The following DLGAP1 variants were observed in gnomAD, a reference collection of about 807,000 sequenced individuals.
The protein encoded by DLGAP1 is disks large-associated protein 1.
A neutral mutation model predicts 90.8 loss-of-function variants in DLGAP1; 11 were observed. The observed-to-expected ratio is 0.12, with a 90% confidence interval of 0.08 to 0.20. DLGAP1 has a LOEUF of 0.20. Among genes scored for constraint, DLGAP1 ranks in the 10% least tolerant of loss-of-function variants. The pLI, the probability that DLGAP1 is intolerant of heterozygous loss-of-function variation, is 1.00. For missense variants in DLGAP1, 1,050 were observed against 1,333.8 expected, an observed-to-expected ratio of 0.79 and a Z score of 3.31; for synonymous variants, 558 against 540.7, an observed-to-expected ratio of 1.03 and a Z score of -0.44.
chr18:3,626,574 G>T (rs1234103333), intron 7 of DLGAP1, among the ~76,000 whole-genome samples: 1 of 142,924 alleles, frequency 7.0e-6, no homozygotes, highest in East Asian at 2.1e-4. Flanking sequence ...ACCCTGCTGG[G>T]TGACAGAGCA....
intron 2 of DLGAP1, among the ~76,000 whole-genome samples, chr18:4,034,430 A>T (rs1385542061): frequency 6.6e-6 from 1 of 152,330 alleles, no homozygotes; most frequent in Non-Finnish European, 1.5e-5. Context: ...CATAAAAATC[A>T]TTAAAAACCC....
chr18:3,917,601 A>G (rs895427789), intron 3 of DLGAP1, among the ~76,000 whole-genome samples: 4 of 152,248 alleles, frequency 2.6e-5, no homozygotes, highest in African/African-American at 7.2e-5. Flanking sequence ...CTAGGCATGT[A>G]CTGAGTAAAC....
chr18:3,885,805 C>T (rs1372181762), intron 3 of DLGAP1, among the ~76,000 whole-genome samples: 1 of 152,198 alleles, frequency 6.6e-6, no homozygotes, highest in African/African-American at 2.4e-5. Flanking sequence ...ATGAGACAAG[C>T]TCAGAGTGTG....
intron 7 of DLGAP1, among the ~76,000 whole-genome samples, chr18:3,679,049 C>T (rs539395614): frequency 2.6e-5 from 4 of 152,102 alleles, no homozygotes; most frequent in Non-Finnish European, 5.9e-5. Flanking sequence ...CCAGGCTGAG[C>T]TCACACTCCT....
chr18:3,936,331 C>G (rs1441762097), intron 3 of DLGAP1, among the ~76,000 whole-genome samples: 1 of 152,226 alleles, frequency 6.6e-6, no homozygotes, highest in Non-Finnish European at 1.5e-5. Context: ...CCTTGCTCTA[C>G]AATTTGCCCC....
intron 1 of DLGAP1, among the ~76,000 whole-genome samples, chr18:4,291,490 G>T (rs1217186797): frequency 6.6e-6 from 1 of 151,976 alleles, no homozygotes; most frequent in Non-Finnish European, 1.5e-5. Flanking sequence ...TTGTTACCAG[G>T]TATGTCATGT....
chr18:3,916,801 G>T (rs2072154840), intron 3 of DLGAP1, among the ~76,000 whole-genome samples: 1 of 152,162 alleles, frequency 6.6e-6, no homozygotes, highest in Non-Finnish European at 1.5e-5. Context: ...TTGTAGCAGG[G>T]ATGTGCATGG....
At chr18:3,518,646 A>G (rs1218426401) in intron 10 of DLGAP1, among the ~76,000 whole-genome samples, 2 of 152,194 alleles carry the variant, frequency 1.3e-5, no homozygotes, top group East Asian at 3.8e-4. Flanking sequence ...ACCAATTACC[A>G]GCTATTGATC....
chr18:4,065,915 C>A (rs1311371148), intron 2 of DLGAP1, among the ~76,000 whole-genome samples: 3 of 151,974 alleles, frequency 2.0e-5, no homozygotes, highest in Non-Finnish European at 2.9e-5. Flanking sequence ...CAACTTCAAA[C>A]TATACTACAA....
chr18:4,328,107 C>T (rs932937058), intron 1 of DLGAP1, among the ~76,000 whole-genome samples: 5 of 150,248 alleles, frequency 3.3e-5, no homozygotes, highest in African/African-American at 7.5e-5. Context: ...CTTTCCTCCC[C>T]GCTTCCCCTA....
chr18:3,734,219 T>C (rs1302086493), intron 6 of DLGAP1, among the ~76,000 whole-genome samples: 1 of 152,142 alleles, frequency 6.6e-6, no homozygotes, highest in East Asian at 1.9e-4. Flanking sequence ...AATTTCTCTT[T>C]TTAACTCTTC....
At position 4,010,874 on chromosome 18, in the gene DLGAP1, G is replaced by GA. The variant is rs11316332; in HGVS notation, c.-158-5674dup. Among the ~76,000 whole-genome samples, 55 of 144,988 alleles carry GA rather than the reference G, an allele frequency of 3.8e-4. 1 individual carries two copies. Among genetic ancestry groups the GA allele is most frequent in the East Asian group, 6.1e-4 (3 of 4,940 alleles). On this transcript the variant is annotated intron_variant, in intron 2 of 12. Transcript: ENST00000315677. ...GGCTAGTCATCGGAAACACAAGGAT[G>GA]AAAAAAAAAAAATCCCTCCGGCCAG... is the stretch of plus-strand genomic sequence containing the variant.
intron 2 of DLGAP1, among the ~76,000 whole-genome samples, chr18:4,012,471 A>G (rs1381266467): frequency 6.6e-6 from 1 of 152,126 alleles, no homozygotes; most frequent in Non-Finnish European, 1.5e-5. Context: ...CACTGTGGAC[A>G]GTTTCAGCAG....
rs980035452 is a variant in DLGAP1, at chr18:3,755,907, T to C, written c.1173-13395A>G. ...TGAACTATCTCTAGGGTAGACCACA[T>C]AATAGGTCATAAAACAAGCCTGAAT... is the stretch of plus-strand genomic sequence containing the variant. On this transcript the variant is annotated intron_variant, in intron 5 of 12. Coordinates refer to ENST00000315677, the MANE Select transcript of DLGAP1 (RefSeq NM_004746.4). Among the ~76,000 whole-genome samples, 36 of 152,104 alleles carry C rather than the reference T, an allele frequency of 2.4e-4. 1 individual carries two copies. The highest frequency in any genetic ancestry group is 1.5e-5 in the Non-Finnish European group (1 of 68,024).
At chr18:3,736,068 T>C (rs2062624765) in intron 6 of DLGAP1, among the ~76,000 whole-genome samples, 1 of 152,144 alleles carries the variant, frequency 6.6e-6, no homozygotes, top group Admixed American at 6.5e-5. Flanking sequence ...AGCTGCCTAG[T>C]TACATTAATT....
At chr18:4,433,905 T>C (rs993395097) in intron 1 of DLGAP1, among the ~76,000 whole-genome samples, 27 of 152,130 alleles carry the variant, frequency 1.8e-4, no homozygotes, top group Admixed American at 1.6e-3. Context: ...AACTCTTTAG[T>C]TTATGTGCTG....
intron 7 of DLGAP1, among the ~76,000 whole-genome samples, chr18:3,626,793 G>A (rs2058312386): frequency 6.6e-6 from 1 of 151,922 alleles, no homozygotes; most frequent in South Asian, 2.1e-4. Context: ...AGCTACTCGG[G>A]AGGCTGAGGC....
At chr18:3,772,458 CTCTT>C (rs10667751) in intron 5 of DLGAP1, among the ~76,000 whole-genome samples, 11 of 83,806 alleles carry the variant, frequency 1.3e-4, no homozygotes, top group East Asian at 8.3e-4. Flanking sequence ...CCCCACCCCC[CTCTT>C]TCTTTCTTTC....
intron 7 of DLGAP1, chr18:3,654,629 A>G (rs1209284067): frequency 6.6e-6 from 1 of 152,182 alleles, no homozygotes; most frequent in African/African-American, 2.4e-5. Flanking sequence ...TCAAATTGCT[A>G]CTGGGAGTTT....
Sources: allele counts gnomAD v4.1 joint callset (sites outside exome capture counted in the v4.1 genomes callset), GRCh38; gene constraint gnomAD v4.1.1; transcripts MANE v1.5; gene names NCBI Gene and HGNC (gene_info 2026-07-23, HGNC 2026-07-21).